FGD2: variants seen among roughly 807,000 people sequenced by gnomAD.
FGD2 encodes FYVE, RhoGEF and PH domain-containing protein 2.
FGD2 carries 52 observed loss-of-function variants against 75.9 expected under a neutral mutation model. That is an observed-to-expected ratio of 0.69 (90% CI 0.55 to 0.86). FGD2 has a LOEUF of 0.86. Ranked by LOEUF, FGD2 falls within the 40% of genes least tolerant of loss-of-function variation. FGD2 has a pLI of 0.00. For missense variants in FGD2, 790 were observed against 872.0 expected, an observed-to-expected ratio of 0.91 and a Z score of 1.18; for synonymous variants, 347 against 348.6, an observed-to-expected ratio of 1.00 and a Z score of 0.05.
In FGD2 at chr6:37,028,049, C is replaced by T; in HGVS notation, c.1854C>T (p.Leu618=). ...TCCAGCTACAGCAGTCAGGCCAGCT[C>T]TACACCTTCAAGGCCGAGACGGAGG... ...RVFQLQQSGQ[L]YTFKAETEEL... The change falls in exon 16 of 16, where the codon CTC becomes CTT. Residue 618 remains leucine (L), a synonymous_variant. Coordinates refer to ENST00000274963, the MANE Select transcript of FGD2 (RefSeq NM_173558.4). 1 of 1,614,046 alleles carries T rather than the reference C, an allele frequency of 6.2e-7. No homozygotes were observed. The highest frequency in any genetic ancestry group is 1.3e-5 in the African/African-American group (1 of 75,074).
intron 2 of FGD2, chr6:37,009,679 T>C (rs1317727362): frequency 6.6e-6 from 1 of 152,224 alleles, no homozygotes; most frequent in African/African-American, 2.4e-5. Flanking sequence ...GTTATAGTAA[T>C]GCGTCCTGGT....
intron 3 of FGD2, 75 bp from the exon 4 acceptor site, chr6:37,011,631 G>C: frequency 1.9e-6 from 3 of 1,594,224 alleles, no homozygotes; most frequent in Middle Eastern, 2.0e-4. Flanking sequence ...GGCTTGGTGG[G>C]ACCCTAGTTC....
chr6:37,021,112 TTGTG>T (rs1008830693), intron 11 of FGD2, among the ~76,000 whole-genome samples: 31 of 151,574 alleles, frequency 2.0e-4, no homozygotes, highest in African/African-American at 7.3e-4. Context: ...ATGTACGTGC[TTGTG>T]TGTATGTGTC....
chr6:37,008,801 G>C (rs1436737056), intron 1 of FGD2, 33 bp from the exon 2 acceptor site: 2 of 1,516,236 alleles, frequency 1.3e-6, no homozygotes, highest in Non-Finnish European at 8.9e-7. Flanking sequence ...GTTCTCCAGG[G>C]AGGAAGCCCT....
Position 37,020,888 on chromosome 6 carries a change from A to ATGTGTGTGTGTGTGTGTG in FGD2, c.1233+156_1233+173dup, listed in dbSNP as rs58421270. 17 of 697,594 alleles carry ATGTGTGTGTGTGTGTGTG rather than the reference A, an allele frequency of 2.4e-5. No homozygotes were observed. The African/African-American group carries it at 2.6e-4, about 11-fold the overall frequency. 43.2% of individuals were successfully genotyped at this position (697,594 alleles called of 1,614,324 possible). ...AGGGGAGGGAGTGGTGTATGTATGC[A>ATGTGTGTGTGTGTGTGTG]TGTGTGTGTGTGTGTGTGTGTGTGC... On this transcript the variant is annotated intron_variant, in intron 11 of 15. Transcript: ENST00000274963.
At chr6:37,014,500 C>A in intron 6 of FGD2, 146 bp from the exon 7 acceptor site, 2 of 880,974 alleles carry the variant, frequency 2.3e-6, no homozygotes, top group Non-Finnish European at 3.5e-6. Flanking sequence ...CATTCAGACA[C>A]CCCATGGCTG....
intron 13 of FGD2, chr6:37,023,481 T>G (rs534524935): frequency 6.6e-6 from 1 of 152,298 alleles, no homozygotes; most frequent in African/African-American, 2.4e-5. Context: ...TAGATCTCGC[T>G]TTGCTTTTTA....
At chr6:37,010,567 G>A (rs947464054) in intron 2 of FGD2, among the ~76,000 whole-genome samples, 1 of 152,208 alleles carries the variant, frequency 6.6e-6, no homozygotes. Flanking sequence ...CGCAAGTCTG[G>A]CATCTGGGCA....
intron 2 of FGD2, among the ~76,000 whole-genome samples, chr6:37,010,367 C>T (rs764134545): frequency 6.6e-6 from 1 of 152,174 alleles, no homozygotes; most frequent in Non-Finnish European, 1.5e-5. Flanking sequence ...CAGTTTAGTG[C>T]CCTACTCTTA....
chr6:37,023,147 CTCTT>C (rs1765673711), intron 13 of FGD2: 1 of 155,306 alleles, frequency 6.4e-6, no homozygotes, highest in South Asian at 2.0e-4. Context: ...CCGTCATCCT[CTCTT>C]TACCCGCTTC....
In FGD2 at chr6:37,015,861, G is replaced by A. The variant is rs747997637; in HGVS notation, c.1122+1G>A. On this transcript the variant is annotated splice_donor_variant, in intron 9 of 15. Transcript: ENST00000274963. LOFTEE classifies it high-confidence loss of function. Reference sequence around the variant, plus strand: ...CCGCATCGATGTGGCCGGGATGAAGGTAAGAGGCCCCCTAAACACCACTGG... The same window carrying A: ...CCGCATCGATGTGGCCGGGATGAAGATAAGAGGCCCCCTAAACACCACTGG... The A allele has an allele frequency of 1.3e-6, 2 of 1,573,840 alleles. No homozygotes were observed. The highest frequency in any genetic ancestry group is 8.6e-7 in the Non-Finnish European group (1 of 1,159,466).
At chr6:37,019,649 G>A (rs1044714319) in intron 9 of FGD2, among the ~76,000 whole-genome samples, 2 of 152,152 alleles carry the variant, frequency 1.3e-5, no homozygotes, top group African/African-American at 2.4e-5. Context: ...CTGGGGGTAG[G>A]ATGGAAATAG....
At chr6:37,027,404 T>C in intron 14 of FGD2, 25 bp from the exon 15 acceptor site, 1 of 1,590,328 alleles carries the variant, frequency 6.3e-7, no homozygotes, top group Non-Finnish European at 8.6e-7. Context: ...CTCTGCTCCC[T>C]GACAGTCCCT....
intron 14 of FGD2, among the ~76,000 whole-genome samples, chr6:37,026,865 G>A (rs930575303): frequency 6.6e-6 from 1 of 151,836 alleles, no homozygotes; most frequent in Non-Finnish European, 1.5e-5. Context: ...AAAATCAGCC[G>A]GGCATGGTGG....
chr6:37,028,278 G>A lies in FGD2; in HGVS notation c.*115G>A. Reference sequence around the variant, plus strand: ...CCCCAAGTGGTGCTTTCAGAGAATTGATTCAGCCATCTGCGCCCAGGCCAC... The same window carrying A: ...CCCCAAGTGGTGCTTTCAGAGAATTAATTCAGCCATCTGCGCCCAGGCCAC... On this transcript the variant is annotated 3_prime_UTR_variant, in exon 16 of 16. Transcript: ENST00000274963. 9.3e-7 allele frequency: 1 copy of A among 1,080,778 alleles called. No homozygotes were observed. The highest frequency in any genetic ancestry group is 1.3e-6 in the Non-Finnish European group (1 of 778,600). 66.9% of individuals were successfully genotyped at this position (1,080,778 alleles called of 1,614,324 possible). A position where few individuals can be genotyped will look rare whatever the true frequency, so the allele number is the denominator to read the frequency against.
intron 9 of FGD2, 62 bp from the exon 10 acceptor site, chr6:37,020,479 G>T: frequency 2.7e-6 from 4 of 1,490,832 alleles, no homozygotes; most frequent in Non-Finnish European, 3.7e-6. Context: ...CCCCTCCACA[G>T]TGCTGTGCCT....
chr6:37,011,176 T>G (rs1162967656), intron 3 of FGD2, 126 bp downstream of exon 3: 1 of 927,628 alleles, frequency 1.1e-6, no homozygotes, highest in African/African-American at 1.7e-5. Flanking sequence ...CCAGGAAGCC[T>G]TGGCCCTTTA....
chr6:37,014,436 C>A, intron 6 of FGD2: 1 of 639,156 alleles, frequency 1.6e-6, no homozygotes, highest in Non-Finnish European at 2.7e-6. Flanking sequence ...AAGCCAAACA[C>A]CTAATGGCTA....
intron 9 of FGD2, among the ~76,000 whole-genome samples, chr6:37,019,978 G>A (rs956527636): frequency 7.3e-5 from 11 of 150,950 alleles, no homozygotes; most frequent in East Asian, 5.8e-4. Context: ...TCAGCCTCCC[G>A]AGTAGTTGGG....
Sources: gnomAD v4.1 joint callset for allele counts (sites outside exome capture counted in the v4.1 genomes callset) on GRCh38, gnomAD v4.1.1 for gene constraint, MANE v1.5 for transcripts, NCBI Gene and HGNC (gene_info 2026-07-23, HGNC 2026-07-21) for gene names.